DLG2: variants seen among roughly 807,000 people sequenced by gnomAD.
DLG2 encodes the protein discs large MAGUK scaffold protein 2.
A neutral mutation model predicts 132.5 loss-of-function variants in DLG2; 45 were observed. The observed-to-expected ratio is 0.34, with a 90% CI of 0.27 to 0.44. DLG2 has a LOEUF of 0.44. DLG2 is among the 20% of genes least tolerant of loss of function. The pLI is 1.00. For synonymous variants in DLG2, 424 were observed against 419.6 expected, an observed-to-expected ratio of 1.01 and a Z score of -0.13; for missense variants, 1,045 against 1,196.9, an observed-to-expected ratio of 0.87 and a Z score of 1.87.
At chr11:84,069,981 C>G (rs560752686) in intron 10 of DLG2, among the ~76,000 whole-genome samples, 1 of 152,322 alleles carries the variant, frequency 6.6e-6, no homozygotes, top group African/African-American at 2.4e-5. Context: ...TACCTACCAC[C>G]TGGATTACTA....
chr11:84,060,100 G>A (rs920401732), intron 10 of DLG2, among the ~76,000 whole-genome samples: 2 of 152,066 alleles, frequency 1.3e-5, no homozygotes, highest in African/African-American at 4.8e-5. Flanking sequence ...ATCACCTGAG[G>A]TCAGGGGTTC....
rs552048780 is a variant in DLG2, at chr11:84,699,321, T to A, written c.358-164590A>T. On this transcript the variant is annotated intron_variant, in intron 6 of 27. Coordinates refer to ENST00000376104, the MANE Select transcript of DLG2 (RefSeq NM_001142699.3). ...TAACTTGAAGAGCTAGGGTAAAGAG[T>A]AGAAATAATGTCGTTAAAGTGTCTG... Among the ~76,000 whole-genome samples the A allele has an allele frequency of 1.1e-4, 17 of 151,540 alleles. No homozygotes were observed. In the East Asian group the frequency reaches 2.9e-3, roughly 26 times the overall value.
chr11:84,093,033 CAAAAA>C (rs562763060), intron 10 of DLG2, among the ~76,000 whole-genome samples: 2 of 87,562 alleles, frequency 2.3e-5, no homozygotes, highest in Non-Finnish European at 2.5e-5. Context: ...GAGTCTCCGT[CAAAAA>C]AAAAAAAAAA....
At chr11:84,474,026 T>A (rs1012460939) in intron 7 of DLG2, among the ~76,000 whole-genome samples, 1 of 152,052 alleles carries the variant, frequency 6.6e-6, no homozygotes, top group African/African-American at 2.4e-5. Context: ...CCTGCCACAA[T>A]GAGCATGCAG....
intron 6 of DLG2, among the ~76,000 whole-genome samples, chr11:84,800,079 G>C (rs1195511614): frequency 6.6e-6 from 1 of 152,042 alleles, no homozygotes; most frequent in East Asian, 1.9e-4. Context: ...GATATCAAAG[G>C]ATCAGGTTTT....
At chr11:84,574,019 G>A (rs2099492356) in intron 6 of DLG2, among the ~76,000 whole-genome samples, 1 of 152,120 alleles carries the variant, frequency 6.6e-6, no homozygotes, top group Non-Finnish European at 1.5e-5. Context: ...AAGGACTAGG[G>A]AGGGGCAAAA....
chr11:84,497,087 T>C (rs2099186668), intron 7 of DLG2, among the ~76,000 whole-genome samples: 2 of 152,086 alleles, frequency 1.3e-5, no homozygotes, highest in African/African-American at 4.8e-5. Flanking sequence ...ATTAAACAAA[T>C]AGATAATGGC....
At chr11:85,336,043 T>A (rs903388084) in intron 3 of DLG2, 1 of 152,308 alleles carries the variant, frequency 6.6e-6, no homozygotes, top group Non-Finnish European at 1.5e-5. Flanking sequence ...GGGCACACTA[T>A]TAACCTGATG....
intron 4 of DLG2, among the ~76,000 whole-genome samples, chr11:85,223,111 C>T (rs1282555328): frequency 6.6e-6 from 1 of 152,072 alleles, no homozygotes. Flanking sequence ...TTGTTTGTTA[C>T]TAATTTTAAT....
At chr11:84,391,131 A>G (rs966827281) in intron 7 of DLG2, among the ~76,000 whole-genome samples, 2 of 152,214 alleles carry the variant, frequency 1.3e-5, no homozygotes, top group African/African-American at 4.8e-5. Context: ...TAGTTGTAAG[A>G]GGACATTATT....
intron 4 of DLG2, among the ~76,000 whole-genome samples, chr11:85,283,337 GA>G (rs2078354124): frequency 6.6e-6 from 1 of 151,510 alleles, no homozygotes; most frequent in Admixed American, 6.6e-5. Context: ...AAATACAGGA[GA>G]ATACTTAACT....
intron 7 of DLG2, among the ~76,000 whole-genome samples, chr11:84,491,228 G>A (rs990671399): frequency 3.9e-5 from 6 of 152,060 alleles, no homozygotes; most frequent in African/African-American, 1.4e-4. Context: ...CGGACCTGGT[G>A]GGAGATAAGT....
intron 6 of DLG2, among the ~76,000 whole-genome samples, chr11:84,592,933 T>TAAAAAAAAAAAAA (rs61017970): frequency 5.5e-5 from 1 of 18,178 alleles, no homozygotes; most frequent in African/African-American, 2.3e-4. Context: ...CTGTCTCTAC[T>TAAAAAAAAAAAAA]AAAAAAAAAA....
At chr11:84,830,976 T>G in intron 6 of DLG2, among the ~76,000 whole-genome samples, 1 of 90,538 alleles carries the variant, frequency 1.1e-5, no homozygotes, top group Middle Eastern at 0.012. Flanking sequence ...CAGCTCTGTC[T>G]CTATTTCTTT....
chr11:83,601,882 T>G lies in DLG2; in HGVS notation c.1940+31329A>C, dbSNP rs562975835. Among the ~76,000 whole-genome samples the G allele has an allele frequency of 1.3e-3, 194 of 152,236 alleles. 1 individual carries two copies. The highest frequency in any genetic ancestry group is 4.3e-3 in the African/African-American group (178 of 41,556). On this transcript the variant is annotated intron_variant, in intron 19 of 27. Transcript: ENST00000376104. ...TGTGATCACAGATCTTTGCTTCTGG[T>G]TCTCCAAGTTCTTAGTGTTTTCTGC...
chr11:83,825,872 C>G (rs1386877838), intron 17 of DLG2, among the ~76,000 whole-genome samples: 12 of 152,142 alleles, frequency 7.9e-5, no homozygotes, highest in African/African-American at 2.9e-4. Flanking sequence ...TACGGCCATT[C>G]ATTGTGTGGA....
At chr11:85,234,528 A>G (rs1370184021) in intron 4 of DLG2, among the ~76,000 whole-genome samples, 1 of 152,060 alleles carries the variant, frequency 6.6e-6, no homozygotes, top group East Asian at 1.9e-4. Context: ...TGATCAACAG[A>G]AAGTGCCTAA....
intron 18 of DLG2, among the ~76,000 whole-genome samples, chr11:83,783,381 A>G (rs917487068): frequency 6.6e-6 from 1 of 152,252 alleles, no homozygotes; most frequent in Non-Finnish European, 1.5e-5. Context: ...TTTATAAATT[A>G]TTTATAATTA....
chr11:85,021,164 T>A lies in DLG2; in HGVS notation c.357+90497A>T, dbSNP rs1444987195. 5 of 901,602 alleles carry A rather than the reference T, an allele frequency of 5.5e-6. No individual in the cohort carries two copies. The African/African-American group carries it at 8.2e-5, about 15-fold the overall frequency. The allele number at this position is 901,602 out of a possible 1,614,324, so 55.9% of individuals were successfully genotyped here. On this transcript the variant is annotated intron_variant, in intron 6 of 27. Transcript: ENST00000376104. ...TTAGAAGATCCCCGCTGCCCATTCT[T>A]AGAATTGAAGCCAGCTTTTTCCCTT... is the stretch of plus-strand genomic sequence containing the variant.
Sources: allele counts gnomAD v4.1 joint callset (sites outside exome capture counted in the v4.1 genomes callset), GRCh38; gene constraint gnomAD v4.1.1; transcripts MANE v1.5; gene names NCBI Gene and HGNC (gene_info 2026-07-23, HGNC 2026-07-21).